NIPBL: variants seen among roughly 807,000 people sequenced by gnomAD.
The protein encoded by NIPBL is nipped-B-like protein.
In NIPBL, 19 loss-of-function variants were observed where a neutral mutation model predicts 321.8. The observed-to-expected ratio is 0.06, with a 90% CI of 0.04 to 0.09. The LOEUF (loss-of-function observed/expected upper bound fraction) is 0.09. NIPBL is among the 10% of genes least tolerant of loss of function. The pLI is 1.00. For synonymous variants in NIPBL, 1,106 were observed against 1,114.1 expected (o/e 0.99, Z 0.14); for missense variants, 2,210 against 3,327.0 (o/e 0.66, Z 8.26).
intron 1 of NIPBL, among the ~76,000 whole-genome samples, chr5:36,941,571 A>G (rs541149378): frequency 2.7e-4 from 40 of 150,926 alleles, no homozygotes; most frequent in African/African-American, 9.7e-4. Context: ...TTAATTAAAG[A>G]GTTTGTTCAG....
At chr5:36,971,865 G>GGT in intron 7 of NIPBL, 80 bp from the exon 8 acceptor site, 1 of 1,521,672 alleles carries the variant, frequency 6.6e-7, no homozygotes, top group Non-Finnish European at 9.0e-7. Flanking sequence ...AGTAATTTAT[G>GGT]TCTCTTATTG....
At chr5:37,011,012 A>G (rs1323337398) in intron 21 of NIPBL, among the ~76,000 whole-genome samples, 4 of 152,236 alleles carry the variant, frequency 2.6e-5, no homozygotes, top group Non-Finnish European at 5.9e-5. Flanking sequence ...AAACCCATAT[A>G]TAAATACATA....
intron 10 of NIPBL, among the ~76,000 whole-genome samples, chr5:36,989,949 T>G (rs967630205): frequency 6.6e-5 from 10 of 151,670 alleles, no homozygotes; most frequent in South Asian, 2.1e-4. Context: ...TTTTGTTGTT[T>G]TTTTTTTTAA....
chr5:36,999,018 C>T (rs1316099609), intron 11 of NIPBL, among the ~76,000 whole-genome samples: 2 of 152,132 alleles, frequency 1.3e-5, no homozygotes, highest in Non-Finnish European at 2.9e-5. Flanking sequence ...ACAAAATGAC[C>T]TTTTCCTGCC....
chr5:37,064,132 A>T lies in NIPBL; in HGVS notation c.8049+154A>T, dbSNP rs1755120171. The T allele has an allele frequency of 2.1e-6, 3 of 1,439,894 alleles. No homozygotes were observed. The Admixed American group carries it at 8.7e-5, about 42-fold the overall frequency. 89.2% of individuals were successfully genotyped at this position (1,439,894 alleles called of 1,614,324 possible). On this transcript the variant is annotated intron_variant, in intron 46 of 46. Transcript: ENST00000282516. ...ATAGAGATTCTCTACTTACCCGTTT[A>T]TACATCCTTTTGTAGAAAGTTTAAC... is the stretch of plus-strand genomic sequence containing the variant.
chr5:36,898,050 T>C (rs1386947820), intron 1 of NIPBL, among the ~76,000 whole-genome samples: 1 of 152,202 alleles, frequency 6.6e-6, no homozygotes, highest in Non-Finnish European at 1.5e-5. Flanking sequence ...AAGTTCAAAC[T>C]TCTGTGTTTC....
chr5:36,999,107 A>G (rs1417682462), intron 11 of NIPBL, among the ~76,000 whole-genome samples: 1 of 152,186 alleles, frequency 6.6e-6, no homozygotes. Flanking sequence ...TTAGGGTAGC[A>G]TTTAAGAATA....
rs1746172646 is a variant in NIPBL at position 36,996,724 on chromosome 5, C to T, written c.3304+920C>T. 1 of 312,214 alleles carries T rather than the reference C, an allele frequency of 3.2e-6. No homozygotes were observed. The highest frequency in any genetic ancestry group is 2.2e-5 in the African/African-American group (1 of 45,406). The allele number at this position is 312,214 out of a possible 1,614,324, so 19.3% of individuals were successfully genotyped here. On this transcript the variant is annotated intron_variant, in intron 11 of 46. Transcript: ENST00000282516. This position sits in a 1 kb window ranked among gnomAD's most constrained non-coding sequence, Gnocchi z 5.0. ...TCACTTGTGTGCCAACTGACTTAGT[C>T]ATAATGACCAAAAGAAGTGGGAAGA...
In NIPBL at chr5:36,918,593, G is replaced by A. The variant is rs187899754; in HGVS notation, c.-79-35025G>A. Among the ~76,000 whole-genome samples, 343 of 152,236 alleles carry A rather than the reference G, an allele frequency of 2.3e-3. 1 individual carries two copies. Among genetic ancestry groups the A allele is most frequent in the Admixed American group, 6.5e-3 (100 of 15,292 alleles). On this transcript the variant is annotated intron_variant, in intron 1 of 46. Transcript: ENST00000282516. ...AGGAGTGGTGAGAGAGGGCGTCCCT[G>A]TCTTGTGCCAGTTTTCAAAAGGAAT...
intron 4 of NIPBL, among the ~76,000 whole-genome samples, chr5:36,960,377 A>G (rs1249125263): frequency 1.3e-5 from 2 of 151,850 alleles, no homozygotes; most frequent in East Asian, 1.9e-4. Context: ...AAAAGAAAAA[A>G]AAAAAAACCT....
intron 15 of NIPBL, 27 bp downstream of exon 15, chr5:37,002,792 A>C: frequency 8.1e-7 from 1 of 1,234,194 alleles, no homozygotes; most frequent in Non-Finnish European, 1.2e-6. Flanking sequence ...AAATTTATAA[A>C]TTTACTTCAT....
rs34760816 is a variant in NIPBL at position 36,956,616 on chromosome 5, C to CTTT, written c.230+1003_230+1005dup. 1.1e-3 allele frequency among the ~76,000 whole-genome samples: 91 copies of CTTT among 79,478 alleles called. 9 individuals are homozygous for CTTT. Among genetic ancestry groups the CTTT allele is most frequent in the African/African-American group, 3.5e-3 (66 of 18,896 alleles). 52.1% of individuals were successfully genotyped at this position (79,478 alleles called of 152,430 possible). A position where few individuals can be genotyped will look rare whatever the true frequency, so the allele number is the denominator to read the frequency against. On this transcript the variant is annotated intron_variant, in intron 3 of 46. Transcript: ENST00000282516. ...AAATTCAGCAATATCTAAATCACTT[C>CTTT]TTTTTTTTTTTTTTTTTTTTTTTTT...
At chr5:36,903,628 G>C (rs1290515548) in intron 1 of NIPBL, among the ~76,000 whole-genome samples, 1 of 152,148 alleles carries the variant, frequency 6.6e-6, no homozygotes, top group African/African-American at 2.4e-5. Flanking sequence ...TGGGCTGAAT[G>C]AATTCATATA....
intron 1 of NIPBL, among the ~76,000 whole-genome samples, chr5:36,942,734 CAAAAAA>C (rs34936238): frequency 3.2e-5 from 3 of 94,412 alleles, no homozygotes; most frequent in Non-Finnish European, 6.6e-5. Flanking sequence ...GACTCTGTCT[CAAAAAA>C]AAAAAAAAAA....
chr5:37,031,070 G>A (rs1175814093), intron 32 of NIPBL, among the ~76,000 whole-genome samples: 12 of 151,756 alleles, frequency 7.9e-5, no homozygotes, highest in Non-Finnish European at 1.0e-4. Context: ...TGCAACCTCC[G>A]CCTCCTGGGT....
At chr5:36,933,621 T>G (rs1749946154) in intron 1 of NIPBL, among the ~76,000 whole-genome samples, 1 of 152,058 alleles carries the variant, frequency 6.6e-6, no homozygotes. Flanking sequence ...ATCATTTAAT[T>G]TTTTAATTTA....
chr5:36,955,062 A>G (rs1740788701), intron 2 of NIPBL: 1 of 171,906 alleles, frequency 5.8e-6, no homozygotes, highest in Non-Finnish European at 1.3e-5. Flanking sequence ...TTACTTGTCT[A>G]CTTTATGAAG....
At chr5:37,013,294 G>C (rs920740794) in intron 21 of NIPBL, among the ~76,000 whole-genome samples, 1 of 149,896 alleles carries the variant, frequency 6.7e-6, no homozygotes, top group Non-Finnish European at 1.5e-5. Flanking sequence ...GCCAGGCGGG[G>C]GGCTGACCCC....
At position 36,985,511 on chromosome 5, in the gene NIPBL, T is replaced by C. The variant is rs1242189905; in HGVS notation, c.2331T>C (p.Pro777=). Residue 777 remains proline (P), a synonymous_variant, in exon 10 of 47, where the codon CCT becomes CCC. Coordinates refer to ENST00000282516, the MANE Select transcript of NIPBL (RefSeq NM_133433.4). The stretch of plus-strand genomic sequence containing the variant: ...GAAAGCCATCTACAGAGAAAAAACC[T>C]GAAGTGTCTAAACATAAACAAGATA... ...DSGKPSTEKK[P]EVSKHKQDTK... 6 of 1,613,320 alleles carry C rather than the reference T, an allele frequency of 3.7e-6. No individual in the cohort carries two copies. In the Admixed American group the frequency reaches 5.0e-5, roughly 13 times the overall value.
Sources: allele counts gnomAD v4.1 joint callset (sites outside exome capture counted in the v4.1 genomes callset), GRCh38; gene constraint gnomAD v4.1.1; non-coding constraint Gnocchi (gnomAD v3.1); transcripts MANE v1.5; gene names NCBI Gene and HGNC (gene_info 2026-07-23, HGNC 2026-07-21).